The following CNTN5 variants were observed in gnomAD, a reference collection of about 807,000 sequenced individuals.
The protein encoded by CNTN5 is contactin-5.
Under a neutral mutation model 129.1 loss-of-function variants are expected in CNTN5, and 77 were observed. The observed-to-expected ratio is 0.60, with a 90% CI of 0.50 to 0.72. CNTN5 has a LOEUF of 0.72. Ranked by LOEUF, CNTN5 falls within the 30% of genes least tolerant of loss-of-function variation. CNTN5 has a pLI of 0.00. For missense variants in CNTN5, 1,478 were observed against 1,328.8 expected, an observed-to-expected ratio of 1.11 and a Z score of -1.75; for synonymous variants, 509 against 465.6, an observed-to-expected ratio of 1.09 and a Z score of -1.20.
chr11:100,036,317 A>G (rs1164862239), intron 9 of CNTN5, among the ~76,000 whole-genome samples: 2 of 151,798 alleles, frequency 1.3e-5, no homozygotes, highest in African/African-American at 4.8e-5. Context: ...GTTCTGTTCC[A>G]TTGGTCTATA....
At chr11:100,165,116 G>A (rs1162124315) in intron 13 of CNTN5, among the ~76,000 whole-genome samples, 1 of 151,532 alleles carries the variant, frequency 6.6e-6, no homozygotes, top group Non-Finnish European at 1.5e-5. Flanking sequence ...GGACTAGATG[G>A]GTGGCAGCAA....
chr11:99,645,373 ATACCCAG>A (rs1455912896), intron 3 of CNTN5, among the ~76,000 whole-genome samples: 2 of 151,780 alleles, frequency 1.3e-5, no homozygotes, highest in African/African-American at 4.8e-5. Context: ...CCTAATGTAT[ATACCCAG>A]TACCCAGTAA....
At chr11:99,064,531 AC>A (rs1230492678) in intron 1 of CNTN5, among the ~76,000 whole-genome samples, 2 of 152,044 alleles carry the variant, frequency 1.3e-5, no homozygotes, top group African/African-American at 4.8e-5. Flanking sequence ...GCAAAAGAAG[AC>A]TTTTTTATAT....
chr11:99,693,041 A>G (rs1265069096), intron 3 of CNTN5, among the ~76,000 whole-genome samples: 1 of 152,168 alleles, frequency 6.6e-6, no homozygotes, highest in African/African-American at 2.4e-5. Context: ...GGAAGTACAT[A>G]TAAAAATTTG....
rs144347258 is a variant in CNTN5 at position 100,220,074 on chromosome 11, G to A, written c.1885-4618G>A. 3.0e-3 allele frequency among the ~76,000 whole-genome samples: 459 copies of A among 151,928 alleles called. 2 individuals carry two copies. The highest frequency in any genetic ancestry group is 0.011 in the African/African-American group (439 of 41,428). On this transcript the variant is annotated intron_variant, in intron 15 of 24. Transcript: ENST00000524871. Reference sequence around the variant, plus strand: ...GGGTGGATCATGAGGTCGAGAGATCGAGACCATCCTGGCTAACACAGTGAA... The same window carrying A: ...GGGTGGATCATGAGGTCGAGAGATCAAGACCATCCTGGCTAACACAGTGAA...
intron 13 of CNTN5, among the ~76,000 whole-genome samples, chr11:100,179,693 A>G (rs1948078359): frequency 6.6e-6 from 1 of 152,098 alleles, no homozygotes; most frequent in Admixed American, 6.6e-5. Context: ...AGGTGATGAT[A>G]TACTAGAATT....
At chr11:99,066,093 T>G (rs1487125837) in intron 1 of CNTN5, among the ~76,000 whole-genome samples, 1 of 152,072 alleles carries the variant, frequency 6.6e-6, no homozygotes, top group Non-Finnish European at 1.5e-5. Context: ...TCAAATAACT[T>G]TTTTGCTAGT....
chr11:100,285,898 C>T (rs927614423), intron 18 of CNTN5, among the ~76,000 whole-genome samples: 19 of 152,236 alleles, frequency 1.2e-4, no homozygotes, highest in East Asian at 3.9e-4. Flanking sequence ...AGTGGGTGCG[C>T]GCACCGTGCG....
intron 13 of CNTN5, among the ~76,000 whole-genome samples, chr11:100,079,898 T>C (rs1944291936): frequency 6.6e-6 from 1 of 152,180 alleles, no homozygotes; most frequent in South Asian, 2.1e-4. Flanking sequence ...TTTCCATTAC[T>C]TGGCCATTAA....
intron 2 of CNTN5, among the ~76,000 whole-genome samples, chr11:99,491,517 G>A (rs1199633745): frequency 6.6e-6 from 1 of 152,070 alleles, no homozygotes; most frequent in African/African-American, 2.4e-5. Context: ...AATTTCACAA[G>A]GTGGATACTG....
chr11:99,102,478 A>G (rs773942350), intron 1 of CNTN5, among the ~76,000 whole-genome samples: 11 of 152,148 alleles, frequency 7.2e-5, no homozygotes, highest in Admixed American at 2.6e-4. Flanking sequence ...ACAGCACCTA[A>G]GTAACCTCCT....
chr11:99,478,809 A>C (rs1945479650), intron 2 of CNTN5, among the ~76,000 whole-genome samples: 1 of 152,176 alleles, frequency 6.6e-6, no homozygotes. Context: ...TCCTACTTTT[A>C]AAAATATACA....
At chr11:99,861,274 A>C (rs990505647) in intron 6 of CNTN5, among the ~76,000 whole-genome samples, 5 of 152,086 alleles carry the variant, frequency 3.3e-5, no homozygotes, top group Non-Finnish European at 7.4e-5. Context: ...TGTTTATGTC[A>C]TCTGGAGATT....
intron 8 of CNTN5, among the ~76,000 whole-genome samples, chr11:99,999,660 T>C (rs1758543000): frequency 6.6e-6 from 1 of 152,190 alleles, no homozygotes; most frequent in Non-Finnish European, 1.5e-5. Context: ...TTACTGGGTA[T>C]ATACCCAAAG....
intron 1 of CNTN5, among the ~76,000 whole-genome samples, chr11:99,313,045 C>T (rs1865182362): frequency 6.6e-6 from 1 of 151,774 alleles, no homozygotes; most frequent in Non-Finnish European, 1.5e-5. Flanking sequence ...CTCAATTATA[C>T]TCGATCGTAT....
intron 9 of CNTN5, among the ~76,000 whole-genome samples, chr11:100,026,051 G>A (rs1265482050): frequency 1.3e-5 from 2 of 152,148 alleles, no homozygotes; most frequent in East Asian, 3.9e-4. Context: ...TTTAGGGTTT[G>A]TGTCCCCACC....
At chr11:99,224,767 C>T (rs1860589390) in intron 1 of CNTN5, among the ~76,000 whole-genome samples, 1 of 148,112 alleles carries the variant, frequency 6.8e-6, no homozygotes, top group South Asian at 2.1e-4. Flanking sequence ...AAGTGCTTCT[C>T]CTGTCTCAGC....
chr11:100,315,009 T>C (rs1191498591), intron 21 of CNTN5, among the ~76,000 whole-genome samples: 1 of 152,214 alleles, frequency 6.6e-6, no homozygotes, highest in Non-Finnish European at 1.5e-5. Context: ...CCTTATGAAG[T>C]TTGCAGTCTA....
intron 2 of CNTN5, among the ~76,000 whole-genome samples, chr11:99,531,857 G>C (rs530982446): frequency 7.2e-5 from 11 of 152,308 alleles, no homozygotes; most frequent in Non-Finnish European, 1.5e-4. Flanking sequence ...GGCCGCCCAG[G>C]CAAAAGTTTC....
Sources: allele counts gnomAD v4.1 joint callset (sites outside exome capture counted in the v4.1 genomes callset), GRCh38; gene constraint gnomAD v4.1.1; transcripts MANE v1.5; gene names NCBI Gene and HGNC (gene_info 2026-07-23, HGNC 2026-07-21).